The following FAM47E variants were observed in gnomAD, a reference collection of about 807,000 sequenced individuals.
FAM47E encodes the protein family with sequence similarity 47 member E.
Under a neutral mutation model 41.6 loss-of-function variants are expected in FAM47E, and 32 were observed. The ratio of observed to expected loss-of-function variants is 0.77; its 90% CI spans 0.58 to 1.03. The LOEUF (loss-of-function observed/expected upper bound fraction) is 1.03. Among genes scored for constraint, FAM47E ranks in the 50% least tolerant of loss-of-function variants. FAM47E has a pLI of 0.00. For missense variants in FAM47E, 424 were observed against 485.4 expected (o/e 0.87, Z 1.19); for synonymous variants, 184 against 188.7 (o/e 0.98, Z 0.20).
chr4:76,251,715 G>T (rs1279923905), upstream of FAM47E: 2 of 1,464,948 alleles, frequency 1.4e-6, no homozygotes, highest in East Asian at 5.6e-5. Flanking sequence ...CACCGCCCAA[G>T]CCCGGACGGT....
intron 2 of FAM47E, among the ~76,000 whole-genome samples, chr4:76,245,116 A>G (rs1733797319): frequency 6.6e-6 from 1 of 151,782 alleles, no homozygotes; most frequent in Non-Finnish European, 1.5e-5. Context: ...ACGATGCTGC[A>G]GCAACATCCT....
chr4:76,256,644 C>T (rs1337829917), intron 2 of FAM47E, 121 bp downstream of exon 2: 1 of 1,242,862 alleles, frequency 8.0e-7, no homozygotes, highest in African/African-American at 1.5e-5. Flanking sequence ...ATGAATGTCT[C>T]CCCCAGGATG....
intron 2 of FAM47E, among the ~76,000 whole-genome samples, chr4:76,231,434 A>C (rs1209643489): frequency 1.3e-5 from 2 of 152,218 alleles, no homozygotes; most frequent in African/African-American, 4.8e-5. Context: ...GTAGGTAAAA[A>C]CTTAAAAACA....
rs76823752 is a variant in FAM47E at position 76,276,231 on chromosome 4, T to C, written c.871-1838T>C. ...AGCTGGGAATAATTTCCGAAGCTTA[T>C]ATTTTAGAGAACAAGAAGAGAGACA... is the stretch of plus-strand genomic sequence containing the variant. On this transcript the variant is annotated intron_variant, in intron 5 of 7. Coordinates refer to ENST00000424749, the MANE Select transcript of FAM47E (RefSeq NM_001136570.3). Among the ~76,000 whole-genome samples the C allele has an allele frequency of 3.6e-4, 55 of 152,316 alleles. No homozygotes were observed. In the East Asian group the frequency reaches 0.01, roughly 28 times the overall value.
At chr4:76,224,440 C>T (rs961811113) in intron 2 of FAM47E, among the ~76,000 whole-genome samples, 4 of 152,278 alleles carry the variant, frequency 2.6e-5, no homozygotes, top group African/African-American at 9.6e-5. Flanking sequence ...GGTTCACTCC[C>T]AAGTCCTTAA....
intron 4 of FAM47E, chr4:76,269,641 T>TAAATAAAA (rs1734801570): frequency 6.6e-6 from 1 of 151,030 alleles, no homozygotes; most frequent in Admixed American, 6.6e-5. Context: ...AATAAATAAA[T>TAAATAAAA]AAAAATTAGC....
chr4:76,252,881 T>C (rs920468132), intron 1 of FAM47E, among the ~76,000 whole-genome samples: 1 of 152,208 alleles, frequency 6.6e-6, no homozygotes, highest in Admixed American at 6.5e-5. Flanking sequence ...CAGAATATGC[T>C]AATTGAACTA....
intron 3 of FAM47E, chr4:76,267,859 A>G (rs1238075293): frequency 2.0e-5 from 3 of 152,208 alleles, no homozygotes; most frequent in African/African-American, 7.2e-5. Context: ...ACAGAAAAGT[A>G]GGTTAGTTGT....
At chr4:76,256,049 T>TC in intron 1 of FAM47E, 129 bp from the exon 2 acceptor site, 1 of 1,045,724 alleles carries the variant, frequency 9.6e-7, no homozygotes, top group East Asian at 2.6e-5. Flanking sequence ...GAATCCCACT[T>TC]CCCCTACCCC....
At chr4:76,227,722 T>C (rs1733421614) in intron 2 of FAM47E, among the ~76,000 whole-genome samples, 1 of 152,186 alleles carries the variant, frequency 6.6e-6, no homozygotes, top group Non-Finnish European at 1.5e-5. Flanking sequence ...TAGGTGAGTA[T>C]ATACTTAGGA....
chr4:76,252,781 C>T (rs1734026528), intron 1 of FAM47E, among the ~76,000 whole-genome samples: 1 of 152,134 alleles, frequency 6.6e-6, no homozygotes, highest in African/African-American at 2.4e-5. Context: ...AGAAATAGTA[C>T]AGAGGTCCCA....
intron 2 of FAM47E, among the ~76,000 whole-genome samples, chr4:76,218,871 T>C (rs984561859): frequency 6.6e-6 from 1 of 152,228 alleles, no homozygotes; most frequent in Admixed American, 6.5e-5. Context: ...CTGCTACTTG[T>C]ACATAGTACT....
intron 3 of FAM47E, among the ~76,000 whole-genome samples, chr4:76,266,905 A>G (rs10019829): frequency 0.24 from 36,389 of 152,046 alleles, 4,788 homozygotes; most frequent in African/African-American, 0.34. Context: ...TGTTATCTGC[A>G]TGACTTGACA....
chr4:76,270,749 C>T (rs1319034501), intron 4 of FAM47E, among the ~76,000 whole-genome samples: 1 of 152,180 alleles, frequency 6.6e-6, no homozygotes, highest in African/African-American at 2.4e-5. Context: ...ATCCCACAAG[C>T]TGGGTCCCTG....
At chr4:76,275,633 C>T (rs1735064375) in intron 5 of FAM47E, among the ~76,000 whole-genome samples, 1 of 152,082 alleles carries the variant, frequency 6.6e-6, no homozygotes, top group Non-Finnish European at 1.5e-5. Flanking sequence ...TTGTGCAGGA[C>T]ATAGGAAGAG....
intron 2 of FAM47E, among the ~76,000 whole-genome samples, chr4:76,243,201 C>T (rs913495265): frequency 1.3e-5 from 2 of 152,206 alleles, no homozygotes; most frequent in Non-Finnish European, 2.9e-5. Flanking sequence ...GTTTCTGTTG[C>T]TTATAAACCA....
At chr4:76,238,635 C>T (rs1434791896) in intron 2 of FAM47E, among the ~76,000 whole-genome samples, 2 of 152,004 alleles carry the variant, frequency 1.3e-5, no homozygotes, top group Admixed American at 1.3e-4. Flanking sequence ...GGTTCAGATG[C>T]CCAAGATAAT....
intron 5 of FAM47E, among the ~76,000 whole-genome samples, chr4:76,276,162 C>A (rs1735099154): frequency 6.6e-6 from 1 of 152,064 alleles, no homozygotes; most frequent in African/African-American, 2.4e-5. Context: ...ACTTATTAAG[C>A]ACCCATTATG....
exon 1 of FAM47E, chr4:76,214,399 G>A (rs1352746961): frequency 2.3e-6 from 1 of 429,546 alleles, no homozygotes; most frequent in Non-Finnish European, 4.7e-6. Flanking sequence ...AAAGGGAGGA[G>A]GAGGCATTTC....
Sources: gnomAD v4.1 joint callset for allele counts (sites outside exome capture counted in the v4.1 genomes callset) on GRCh38, gnomAD v4.1.1 for gene constraint, MANE v1.5 for transcripts, NCBI Gene and HGNC (gene_info 2026-07-23, HGNC 2026-07-21) for gene names.